The following ZNRF1 variants were observed in gnomAD, a reference collection of about 807,000 sequenced individuals.
The protein encoded by ZNRF1 is zinc and ring finger 1.
In ZNRF1, 3 loss-of-function variants were observed where a neutral mutation model predicts 18.4. That is an observed-to-expected ratio of 0.16 (90% confidence interval 0.07 to 0.42). ZNRF1 has a LOEUF of 0.42. ZNRF1 is among the 10% of genes least tolerant of loss of function. The pLI, the probability that ZNRF1 is intolerant of heterozygous loss-of-function variation, is 0.99. For synonymous variants in ZNRF1, 157 were observed against 144.2 expected, an observed-to-expected ratio of 1.09 and a Z score of -0.64; for missense variants, 310 against 329.8, an observed-to-expected ratio of 0.94 and a Z score of 0.47.
intron 1 of ZNRF1, among the ~76,000 whole-genome samples, chr16:75,074,161 C>G (rs1489512141): frequency 6.6e-6 from 1 of 152,172 alleles, no homozygotes; most frequent in Non-Finnish European, 1.5e-5. Flanking sequence ...GTCTGTTCTG[C>G]TCTCCTGCTG....
chr16:75,104,742 TG>T (rs1567497124), intron 2 of ZNRF1, 41 bp from the exon 3 acceptor site: 1 of 1,543,438 alleles, frequency 6.5e-7, no homozygotes, highest in East Asian at 2.3e-5. Flanking sequence ...ACCTGTCCAC[TG>T]GTGACTAACC....
intron 1 of ZNRF1, among the ~76,000 whole-genome samples, chr16:75,064,715 C>G (rs1255843878): frequency 6.6e-6 from 1 of 152,224 alleles, no homozygotes; most frequent in East Asian, 1.9e-4. Flanking sequence ...ACTTGCCCCA[C>G]TCCATGAAAG....
chr16:75,022,301 C>T (rs575374784), intron 1 of ZNRF1, among the ~76,000 whole-genome samples: 10 of 151,338 alleles, frequency 6.6e-5, no homozygotes, highest in South Asian at 2.1e-4. Flanking sequence ...AGGTGGCTCA[C>T]GCCTGTAATC....
In ZNRF1 at chr16:75,093,561, C is replaced by G; in HGVS notation, c.425-11C>G. 1 of 1,609,600 alleles carries G rather than the reference C, an allele frequency of 6.2e-7. No homozygotes were observed. The highest frequency in any genetic ancestry group is 8.5e-7 in the Non-Finnish European group (1 of 1,176,004). The stretch of plus-strand genomic sequence containing the variant: ...GGAGAAAACATTTCATCCCATTCTC[C>G]TCTCTTTCAGGTTTCAAGTGCCCCA... On this transcript the variant is annotated splice_polypyrimidine_tract_variant and intron_variant, in intron 1 of 4. Transcript: ENST00000335325.
rs370732534 is a variant in ZNRF1, at chr16:75,009,377, C to T, written c.424+9282C>T. Among the ~76,000 whole-genome samples, 6 of 152,274 alleles carry T rather than the reference C, an allele frequency of 3.9e-5. No homozygotes were observed. In the East Asian group the frequency reaches 7.7e-4, roughly 20 times the overall value. On this transcript the variant is annotated intron_variant, in intron 1 of 4. Transcript: ENST00000335325. ...AGTACTGCATGTAAGTGGACTCGTA[C>T]AGTATTTGTCTTTTTGTGGCTGTCC...
At position 75,031,869 on chromosome 16, in the gene ZNRF1, C is replaced by T. The variant is rs139156659; in HGVS notation, c.424+31774C>T. 1.2e-4 allele frequency among the ~76,000 whole-genome samples: 19 copies of T among 152,208 alleles called. 1 individual carries two copies. Among genetic ancestry groups the T allele is most frequent in the Admixed American group, 7.2e-4 (11 of 15,270 alleles). ...TCGAGTCAATTCTGCCGGATCTACC[C>T]GGTAGAAATGCTGGGTAACTTTAAT... On this transcript the variant is annotated intron_variant, in intron 1 of 4. Transcript: ENST00000335325.
chr16:75,010,484 T>C (rs1279397221), intron 1 of ZNRF1, among the ~76,000 whole-genome samples: 6 of 152,164 alleles, frequency 3.9e-5, no homozygotes, highest in African/African-American at 1.2e-4. Context: ...ATGAGTACTT[T>C]GGCTGTTGGT....
At chr16:75,089,865 C>T (rs1026104574) in intron 1 of ZNRF1, among the ~76,000 whole-genome samples, 1 of 152,180 alleles carries the variant, frequency 6.6e-6, no homozygotes. Context: ...CAAGGAATCA[C>T]GCTGGAATAC....
At chr16:75,007,056 A>T (rs2034928480) in intron 1 of ZNRF1, among the ~76,000 whole-genome samples, 1 of 130,278 alleles carries the variant, frequency 7.7e-6, no homozygotes, top group South Asian at 2.4e-4. Flanking sequence ...AACCAAGTTT[A>T]ATCTTTTTTT....
At chr16:75,074,255 G>A (rs577386104) in intron 1 of ZNRF1, among the ~76,000 whole-genome samples, 1 of 152,310 alleles carries the variant, frequency 6.6e-6, no homozygotes, top group South Asian at 2.1e-4. Flanking sequence ...GCCGGCATAA[G>A]TGGCTTCTCT....
chr16:75,030,679 C>T (rs2035290205), intron 1 of ZNRF1, among the ~76,000 whole-genome samples: 1 of 152,056 alleles, frequency 6.6e-6, no homozygotes, highest in Non-Finnish European at 1.5e-5. Flanking sequence ...CCAAGACAAC[C>T]ACTAATCCAC....
chr16:75,067,327 A>C (rs2035818767), intron 1 of ZNRF1, among the ~76,000 whole-genome samples: 1 of 152,106 alleles, frequency 6.6e-6, no homozygotes, highest in South Asian at 2.1e-4. Flanking sequence ...TGGGAAGGTC[A>C]CTCTAGGTAC....
chr16:75,096,587 G>A (rs62059202), intron 2 of ZNRF1, among the ~76,000 whole-genome samples: 12,773 of 152,164 alleles, frequency 0.084, 633 homozygotes, highest in Admixed American at 0.13. Context: ...TTAGTGAAGA[G>A]TTTTCTTATG....
rs140937069 is a variant in ZNRF1, at chr16:75,082,450, T to G, written c.425-11122T>G. ...TGGACTTACTGTACAGCAGGGTGGG[T>G]TTGATGTCTTCACGCTCACCTCCAT... On this transcript the variant is annotated intron_variant, in intron 1 of 4. Coordinates refer to ENST00000335325, the MANE Select transcript of ZNRF1 (RefSeq NM_032268.5). Among the ~76,000 whole-genome samples the G allele has an allele frequency of 1.1e-4, 16 of 152,302 alleles. No homozygotes were observed. The South Asian group carries it at 2.1e-3, about 20-fold the overall frequency.
At chr16:75,096,061 C>CGTGTGTGTGTGT (rs56013949) in intron 2 of ZNRF1, among the ~76,000 whole-genome samples, 1,535 of 139,684 alleles carry the variant, frequency 0.011, 19 homozygotes, top group Middle Eastern at 0.018. Flanking sequence ...TATGTGTGCA[C>CGTGTGTGTGTGT]GTGTGTGTGT....
intron 1 of ZNRF1, among the ~76,000 whole-genome samples, chr16:75,011,356 G>A (rs548878986): frequency 1.3e-5 from 2 of 152,254 alleles, no homozygotes; most frequent in East Asian, 3.9e-4. Flanking sequence ...AAGTATAACA[G>A]CATTTAAGTC....
At chr16:75,087,586 G>C (rs2145416620) in intron 1 of ZNRF1, among the ~76,000 whole-genome samples, 1 of 152,310 alleles carries the variant, frequency 6.6e-6, no homozygotes, top group South Asian at 2.1e-4. Context: ...TGGAAGTGGA[G>C]GGATCCTGTA....
intron 1 of ZNRF1, among the ~76,000 whole-genome samples, chr16:75,022,957 A>G (rs1022298899): frequency 2.0e-5 from 3 of 152,186 alleles, no homozygotes; most frequent in Non-Finnish European, 4.4e-5. Flanking sequence ...GATTTATGGG[A>G]TCATTGGTGA....
rs75843977 is a variant in ZNRF1 at position 75,108,999 on chromosome 16, C to G, written c.*1299C>G. ...ATCTGCAGGGGCCAAGATGTTGCAG[C>G]CACCGGAGGCTGCAAGGATGTGGGT... On this transcript the variant is annotated 3_prime_UTR_variant, in exon 5 of 5. Coordinates refer to ENST00000335325, the MANE Select transcript of ZNRF1 (RefSeq NM_032268.5). The G allele has an allele frequency of 2.7e-3, 418 of 156,910 alleles. 10 individuals are homozygous for G. The East Asian group carries it at 0.065, about 25-fold the overall frequency. 9.7% of individuals were successfully genotyped at this position (156,910 alleles called of 1,614,324 possible).
Sources: gnomAD v4.1 joint callset for allele counts (sites outside exome capture counted in the v4.1 genomes callset) on GRCh38, gnomAD v4.1.1 for gene constraint, MANE v1.5 for transcripts, NCBI Gene and HGNC (gene_info 2026-07-23, HGNC 2026-07-21) for gene names.